The following WARS2 variants were observed in gnomAD, a reference collection of about 807,000 sequenced individuals.
WARS2 encodes the protein tryptophan--tRNA ligase, mitochondrial.
A neutral mutation model predicts 36.5 loss-of-function variants in WARS2; 28 were observed. The ratio of observed to expected loss-of-function variants is 0.77; its 90% CI spans 0.57 to 1.05. The LOEUF (loss-of-function observed/expected upper bound fraction) is 1.05, where lower values mean the gene tolerates loss of function less well. Ranked by LOEUF, WARS2 falls within the 50% of genes least tolerant of loss-of-function variation. The pLI is 0.00. For synonymous variants in WARS2, 174 were observed against 178.4 expected (o/e 0.98, Z 0.20); for missense variants, 435 against 456.8 (o/e 0.95, Z 0.44).
intron 1 of WARS2, among the ~76,000 whole-genome samples, chr1:119,087,503 A>T (rs1652760444): frequency 1.3e-5 from 2 of 152,218 alleles, no homozygotes; most frequent in African/African-American, 4.8e-5. Flanking sequence ...AGTCTCTCTG[A>T]GCCTACAATA....
chr1:119,050,337 C>G (rs1649238622), intron 2 of WARS2, among the ~76,000 whole-genome samples: 1 of 152,186 alleles, frequency 6.6e-6, no homozygotes. Context: ...GTCTGTTCCC[C>G]TCAATCCCAC....
intron 2 of WARS2, among the ~76,000 whole-genome samples, chr1:119,071,059 T>C (rs1184683503): frequency 6.6e-6 from 1 of 152,144 alleles, no homozygotes; most frequent in Non-Finnish European, 1.5e-5. Context: ...GGCAGGCGCC[T>C]GTAATCCCAA....
At chr1:119,045,081 A>C (rs1648680213) in intron 3 of WARS2, among the ~76,000 whole-genome samples, 1 of 152,204 alleles carries the variant, frequency 6.6e-6, no homozygotes, top group African/African-American at 2.4e-5. Context: ...TGAATTATCC[A>C]ATTTATCTTT....
In WARS2 at chr1:119,080,544, T is replaced by C. The variant is rs781419763; in HGVS notation, c.91-3937A>G. 3.9e-5 allele frequency among the ~76,000 whole-genome samples: 6 copies of C among 152,280 alleles called. No individual in the cohort carries two copies. In the South Asian group the frequency reaches 8.3e-4, roughly 21 times the overall value. On this transcript the variant is annotated intron_variant, in intron 1 of 5. Transcript: ENST00000235521. ...GACCAACGAGAAGTGTTTTGTTCAA[T>C]TTTCAAGGCGCTGTTAAAAAAATAC...
intron 4 of WARS2, among the ~76,000 whole-genome samples, chr1:119,041,671 CAT>C (rs934047236): frequency 2.0e-5 from 3 of 152,166 alleles, no homozygotes; most frequent in Non-Finnish European, 4.4e-5. Context: ...CTAGCACAGA[CAT>C]AGAAGATTTC....
intron 4 of WARS2, among the ~76,000 whole-genome samples, chr1:119,040,485 G>A (rs1442893514): frequency 1.3e-5 from 2 of 152,132 alleles, no homozygotes; most frequent in Non-Finnish European, 2.9e-5. Context: ...CAATTCTCAG[G>A]TTTTGTTTTT....
At chr1:119,126,949 T>A in intron 1 of WARS2, 1 of 741,842 alleles carries the variant, frequency 1.3e-6, no homozygotes, top group Non-Finnish European at 2.4e-6. Flanking sequence ...TGTCTGCCAT[T>A]TTTTGATCAT....
intron 1 of WARS2, among the ~76,000 whole-genome samples, chr1:119,102,667 T>C (rs1227060696): frequency 1.3e-5 from 2 of 152,162 alleles, no homozygotes; most frequent in Non-Finnish European, 2.9e-5. Flanking sequence ...TTCCCAAATA[T>C]TCCTTTAAGA....
chr1:119,049,632 C>T (rs1326614735), intron 2 of WARS2, among the ~76,000 whole-genome samples: 3 of 152,226 alleles, frequency 2.0e-5, no homozygotes, highest in Non-Finnish European at 4.4e-5. Flanking sequence ...AACGTAACTC[C>T]TGATCCTCCG....
intron 1 of WARS2, among the ~76,000 whole-genome samples, chr1:119,108,548 GATA>G (rs1654404156): frequency 1.6e-5 from 1 of 61,724 alleles, no homozygotes; most frequent in Admixed American, 2.5e-4. Flanking sequence ...TTTCATTTAT[GATA>G]TAAGTAATTT....
At chr1:119,108,989 G>A (rs1654433194) in intron 1 of WARS2, among the ~76,000 whole-genome samples, 1 of 151,888 alleles carries the variant, frequency 6.6e-6, no homozygotes, top group African/African-American at 2.4e-5. Flanking sequence ...GTTATTATAA[G>A]TTTGTTGTTT....
chr1:119,076,572 T>G lies in WARS2; in HGVS notation c.126A>C (p.Gln42His). Residue 42 changes from glutamine (Q) to histidine (H), a missense_variant, in exon 2 of 6, where the codon CAA (glutamine) becomes CAC (histidine). Transcript: ENST00000235521. The part of the protein sequence containing the change: ...DSKKRVFSGI[Q>H]PTGILHLGNY... Reference sequence around the variant, plus strand: ...TGCCCAGGTGGAGGATTCCTGTAGGTTGAATGCCGGAAAATACTCGCTTCT... The same window carrying G: ...TGCCCAGGTGGAGGATTCCTGTAGGGTGAATGCCGGAAAATACTCGCTTCT... 1 of 1,614,150 alleles carries G rather than the reference T, an allele frequency of 6.2e-7. No homozygotes were observed. Among genetic ancestry groups the G allele is most frequent in the Non-Finnish European group, 8.5e-7 (1 of 1,180,014 alleles).
At chr1:119,110,958 C>T (rs948316655) in intron 1 of WARS2, among the ~76,000 whole-genome samples, 1 of 152,124 alleles carries the variant, frequency 6.6e-6, no homozygotes, top group Non-Finnish European at 1.5e-5. Context: ...ACTTCTAATA[C>T]AATGTTTTTG....
chr1:119,094,035 T>C (rs1241621890), intron 1 of WARS2, among the ~76,000 whole-genome samples: 1 of 152,192 alleles, frequency 6.6e-6, no homozygotes, highest in Non-Finnish European at 1.5e-5. Flanking sequence ...ACATAGACCA[T>C]GTCAAATAAA....
chr1:119,052,624 G>A (rs1304837092), intron 2 of WARS2, among the ~76,000 whole-genome samples: 1 of 152,164 alleles, frequency 6.6e-6, no homozygotes, highest in Non-Finnish European at 1.5e-5. Flanking sequence ...CTGTCAGGCT[G>A]TTCTTGATTT....
chr1:119,084,774 A>G (rs951286958), intron 1 of WARS2, among the ~76,000 whole-genome samples: 1 of 152,172 alleles, frequency 6.6e-6, no homozygotes, highest in African/African-American at 2.4e-5. Flanking sequence ...TTATGAATCA[A>G]CATTCAGGGC....
At chr1:119,105,182 T>A (rs185048460) in intron 1 of WARS2, among the ~76,000 whole-genome samples, 56 of 152,158 alleles carry the variant, frequency 3.7e-4, no homozygotes, top group African/African-American at 1.3e-3. Context: ...GAAATGGGTG[T>A]GGGGCTGAGG....
At chr1:119,105,469 T>C (rs1654164266) in intron 1 of WARS2, among the ~76,000 whole-genome samples, 1 of 151,980 alleles carries the variant, frequency 6.6e-6, no homozygotes, top group South Asian at 2.1e-4. Context: ...AGGGAAACTG[T>C]GTGGTAGAGA....
At chr1:119,099,392 G>C (rs1419668325) in intron 1 of WARS2, among the ~76,000 whole-genome samples, 1 of 152,204 alleles carries the variant, frequency 6.6e-6, no homozygotes, top group East Asian at 1.9e-4. Context: ...ATCAATATCA[G>C]ATGTTGTATG....
Sources: allele counts gnomAD v4.1 joint callset (sites outside exome capture counted in the v4.1 genomes callset), GRCh38; gene constraint gnomAD v4.1.1; transcripts MANE v1.5; gene names NCBI Gene and HGNC (gene_info 2026-07-23, HGNC 2026-07-21).